STPG2: variants seen among roughly 807,000 people sequenced by gnomAD.
STPG2 encodes sperm-tail PG-rich repeat-containing protein 2.
Under a neutral mutation model 54.2 loss-of-function variants are expected in STPG2, and 56 were observed. The ratio of observed to expected loss-of-function variants is 1.03; its 90% CI spans 0.83 to 1.29. The LOEUF is 1.29. Ranked by LOEUF, STPG2 falls within the 50% of genes most tolerant of loss-of-function variation. STPG2 has a pLI of 0.00. For synonymous variants in STPG2, 200 were observed against 181.8 expected (o/e 1.10, Z -0.81); for missense variants, 596 against 544.9 (o/e 1.09, Z -0.93).
intron 10 of STPG2, among the ~76,000 whole-genome samples, chr4:97,640,047 A>C (rs1721712880): frequency 6.6e-6 from 1 of 152,070 alleles, no homozygotes; most frequent in South Asian, 2.1e-4. Flanking sequence ...AAAAATAAAA[A>C]ATGGTTATTT....
chr4:97,649,595 T>C (rs1359979482), intron 10 of STPG2, among the ~76,000 whole-genome samples: 4 of 152,052 alleles, frequency 2.6e-5, no homozygotes, highest in African/African-American at 9.7e-5. Context: ...GGGCCACCAA[T>C]GGGGAGTGAA....
chr4:97,646,316 G>A (rs1375446361), intron 10 of STPG2, among the ~76,000 whole-genome samples: 1 of 152,104 alleles, frequency 6.6e-6, no homozygotes, highest in East Asian at 1.9e-4. Context: ...GTATATCAAT[G>A]TAGTTGCATG....
intron 9 of STPG2, among the ~76,000 whole-genome samples, chr4:97,816,040 C>CCTA (rs1205605771): frequency 9.9e-5 from 15 of 152,198 alleles, no homozygotes; most frequent in African/African-American, 3.4e-4. Flanking sequence ...AGCCTCCCAT[C>CCTA]CCCCAACAGG....
chr4:97,829,607 G>A (rs113642540), intron 9 of STPG2, among the ~76,000 whole-genome samples: 3,467 of 152,204 alleles, frequency 0.023, 82 homozygotes, highest in African/African-American at 0.065. Flanking sequence ...AACCCAATGC[G>A]AGGAAGCTAA....
chr4:97,695,312 C>T (rs1723534225), intron 10 of STPG2, among the ~76,000 whole-genome samples: 1 of 152,042 alleles, frequency 6.6e-6, no homozygotes, highest in Non-Finnish European at 1.5e-5. Context: ...GATTAAAACC[C>T]TCAGCAAAAT....
intron 9 of STPG2, among the ~76,000 whole-genome samples, chr4:97,714,328 T>C (rs1724223146): frequency 1.3e-5 from 2 of 152,154 alleles, no homozygotes; most frequent in Non-Finnish European, 2.9e-5. Flanking sequence ...AAGAAGGACA[T>C]CTAGGCTCTA....
intron 9 of STPG2, among the ~76,000 whole-genome samples, chr4:97,714,828 T>C (rs1253776478): frequency 6.6e-6 from 1 of 152,134 alleles, no homozygotes; most frequent in Non-Finnish European, 1.5e-5. Flanking sequence ...CGTAAAGATA[T>C]ATAAAGGTTA....
chr4:97,740,960 A>T lies in STPG2; in HGVS notation c.1205-28146T>A, dbSNP rs1725207188. Among the ~76,000 whole-genome samples the T allele has an allele frequency of 1.3e-5, 2 of 152,196 alleles. 1 individual carries two copies. Among genetic ancestry groups the T allele is most frequent in the South Asian group, 4.1e-4 (2 of 4,832 alleles). Reference sequence around the variant, plus strand: ...GAGGCATCATGCTACCTGACTTCAAACTATACTACAAGACTACAGTAACCA... The same window carrying T: ...GAGGCATCATGCTACCTGACTTCAATCTATACTACAAGACTACAGTAACCA... On this transcript the variant is annotated intron_variant, in intron 9 of 10. Coordinates refer to ENST00000295268, the MANE Select transcript of STPG2 (RefSeq NM_174952.3).
chr4:97,762,679 C>T (rs1280813845), intron 9 of STPG2, among the ~76,000 whole-genome samples: 1 of 152,066 alleles, frequency 6.6e-6, no homozygotes, highest in Non-Finnish European at 1.5e-5. Context: ...GTATTCCACA[C>T]TAACTTCAAG....
At chr4:97,688,555 G>A (rs943772528) in intron 10 of STPG2, among the ~76,000 whole-genome samples, 3 of 152,092 alleles carry the variant, frequency 2.0e-5, no homozygotes, top group African/African-American at 7.2e-5. Context: ...TTTTAGTAGA[G>A]ATGGGGTTTC....
At chr4:97,901,815 A>G (rs1039961131) in intron 8 of STPG2, among the ~76,000 whole-genome samples, 4 of 152,052 alleles carry the variant, frequency 2.6e-5, no homozygotes, top group African/African-American at 4.8e-5. Flanking sequence ...AAAAAATCCT[A>G]AAATTCATAT....
intron 10 of STPG2, among the ~76,000 whole-genome samples, chr4:97,619,168 A>G (rs1578428704): frequency 6.6e-6 from 1 of 152,244 alleles, no homozygotes; most frequent in East Asian, 1.9e-4. Flanking sequence ...CATAAATGTC[A>G]AAGTATCCCT....
intron 8 of STPG2, 35 bp downstream of exon 8, chr4:97,943,862 A>T (rs372621822): frequency 1.4e-6 from 2 of 1,427,514 alleles, no homozygotes; most frequent in African/African-American, 3.0e-5. Flanking sequence ...TGATTTCTAG[A>T]TAATGAAAAT....
At chr4:97,569,460 C>T (rs1212119889) in intron 10 of STPG2, among the ~76,000 whole-genome samples, 1 of 152,140 alleles carries the variant, frequency 6.6e-6, no homozygotes, top group Non-Finnish European at 1.5e-5. Context: ...GAATGCCTAA[C>T]CTCCTGGAAA....
At chr4:98,057,312 T>C (rs1019337436) in intron 5 of STPG2, among the ~76,000 whole-genome samples, 3 of 151,930 alleles carry the variant, frequency 2.0e-5, no homozygotes, top group South Asian at 2.1e-4. Context: ...AAAACCATAA[T>C]AAAACAATGC....
rs1225858796 is a variant in STPG2 at position 98,018,760 on chromosome 4, G to C, written c.613-37442C>G. Among the ~76,000 whole-genome samples, 35 of 151,844 alleles carry C rather than the reference G, an allele frequency of 2.3e-4. 2 individuals are homozygous for C. The highest frequency in any genetic ancestry group is 2.2e-4 in the Non-Finnish European group (15 of 67,972). On this transcript the variant is annotated intron_variant, in intron 5 of 10. Transcript: ENST00000295268. ...TTGTGGTTTTGATTTGCATTTCCCT[G>C]ATGGCCAGTGATGATGAGCATTTTT...
chr4:97,457,167 C>A (rs530978411), intron 4 of STPG2, among the ~76,000 whole-genome samples: 35 of 152,282 alleles, frequency 2.3e-4, no homozygotes, highest in African/African-American at 8.2e-4. Flanking sequence ...TACAAAATGA[C>A]ACAGCCACTT....
At chr4:97,584,011 T>C (rs1732929710) in intron 10 of STPG2, among the ~76,000 whole-genome samples, 1 of 151,916 alleles carries the variant, frequency 6.6e-6, no homozygotes, top group Admixed American at 6.6e-5. Flanking sequence ...GGACTTAAAC[T>C]ATACCCTAGA....
chr4:97,581,770 G>A (rs1282570102), intron 10 of STPG2, among the ~76,000 whole-genome samples: 2 of 152,028 alleles, frequency 1.3e-5, no homozygotes, highest in Non-Finnish European at 2.9e-5. Context: ...AACGTGCTTA[G>A]AAAATATTCA....
Sources: gnomAD v4.1 joint callset for allele counts (sites outside exome capture counted in the v4.1 genomes callset) on GRCh38, gnomAD v4.1.1 for gene constraint, MANE v1.5 for transcripts, NCBI Gene and HGNC (gene_info 2026-07-23, HGNC 2026-07-21) for gene names.